Variants in MYH6 observed in about 807,000 individuals in gnomAD.
The protein encoded by MYH6 is myosin-6.
Under a neutral mutation model 223.2 loss-of-function variants are expected in MYH6, and 126 were observed. The observed-to-expected ratio is 0.56, with a 90% CI of 0.49 to 0.65. The LOEUF (loss-of-function observed/expected upper bound fraction) is 0.65. Among genes scored for constraint, MYH6 ranks in the 30% least tolerant of loss-of-function variants. The probability of loss-of-function intolerance (pLI) is 0.00; values close to 1 mark genes in which losing one functional copy is unlikely to be tolerated. For missense variants in MYH6, 2,040 were observed against 2,536.4 expected (o/e 0.80, Z 4.20); for synonymous variants, 978 against 1,010.2 (o/e 0.97, Z 0.61).
intron 19 of MYH6, 118 bp downstream of exon 19, chr14:23,396,576 C>G: frequency 6.3e-7 from 1 of 1,593,014 alleles, no homozygotes; most frequent in Non-Finnish European, 8.6e-7. Context: ...GCCTGGGTTT[C>G]AGCCCTTGAT....
Position 23,400,986 on chromosome 14 carries a change from G to C in MYH6, c.1142-9C>G, listed in dbSNP as rs1445764736. 3 of 1,613,876 alleles carry C rather than the reference G, an allele frequency of 1.9e-6. No homozygotes were observed. Among genetic ancestry groups the C allele is most frequent in the African/African-American group, 2.7e-5 (2 of 74,850 alleles). On this transcript the variant is annotated splice_polypyrimidine_tract_variant and intron_variant, in intron 12 of 38. Coordinates refer to ENST00000405093, the MANE Select transcript of MYH6 (RefSeq NM_002471.4). ...GGCCGACTTGTCAGCATCTGGTTGA[G>C]AGGGAAAGGATAAGTGAGCACTTCC...
At chr14:23,403,251 G>A (rs767540079) in intron 10 of MYH6, 97 bp downstream of exon 10, 1 of 1,019,514 alleles carries the variant, frequency 9.8e-7, no homozygotes, top group Non-Finnish European at 1.6e-6. Context: ...AGCAAGGTGG[G>A]GCACAGTGGG....
In MYH6 at chr14:23,403,458, G is replaced by A. The variant is rs1320562782; in HGVS notation, c.800-12C>T. ...CTTCTCCAGCAGGTCTGAGGTGGGT[G>A]GAGGGGAGGAAGGCAGGTGAGGAAG... On this transcript the variant is annotated splice_polypyrimidine_tract_variant and intron_variant, in intron 9 of 38. Transcript: ENST00000405093. 1.2e-5 allele frequency: 19 copies of A among 1,607,884 alleles called. No homozygotes were observed. The highest frequency in any genetic ancestry group is 3.3e-4 in the Middle Eastern group (2 of 6,076).
intron 32 of MYH6, 27 bp from the exon 33 acceptor site, chr14:23,386,650 C>G (rs753931673): frequency 6.3e-7 from 1 of 1,593,984 alleles, no homozygotes; most frequent in Non-Finnish European, 8.6e-7. Flanking sequence ...CGAGGGCGGG[C>G]AGACAGGGCA....
Position 23,400,940 on chromosome 14 carries a change from T to C in MYH6, c.1179A>G (p.Ser393=). Residue 393 remains serine (S), a synonymous_variant, in exon 13 of 39, where the codon TCA becomes TCG. Transcript: ENST00000405093. ...GGCACAGCCCCTTGAGCAGGTCAGCTGAGTTCAGCCCCATGAGGTAGGCCG... is the reference window on the plus strand; with the variant it reads ...GGCACAGCCCCTTGAGCAGGTCAGCCGAGTTCAGCCCCATGAGGTAGGCCG... ...DKSAYLMGLN[S]ADLLKGLCHP... is the part of the protein sequence containing the mutation. 6.2e-7 allele frequency: 1 copy of C among 1,614,124 alleles called. No individual in the cohort carries two copies. The highest frequency in any genetic ancestry group is 8.5e-7 in the Non-Finnish European group (1 of 1,180,024).
chr14:23,407,571 C>G lies in MYH6; in HGVS notation c.-14+5G>C, dbSNP rs1891828901. On this transcript the variant is annotated splice_donor_5th_base_variant and intron_variant, in intron 2 of 38. Coordinates refer to ENST00000405093, the MANE Select transcript of MYH6 (RefSeq NM_002471.4). The surrounding 1 kb of genome is among the most constrained non-coding windows in gnomAD (Gnocchi z 5.6). ...CTCTGCAGAGAAAATGGGGGCAGTT[C>G]TCACCTGGTTATCCCTTCACGGAGA... 1.6e-6 allele frequency: 2 copies of G among 1,219,858 alleles called. No individual in the cohort carries two copies. Among genetic ancestry groups the G allele is most frequent in the Non-Finnish European group, 2.1e-6 (2 of 965,692 alleles). The allele number at this position is 1,219,858 out of a possible 1,614,324, so 75.6% of individuals were successfully genotyped here. A position where few individuals can be genotyped will look rare whatever the true frequency, so the allele number is the denominator to read the frequency against.
rs377327277 is a variant in MYH6, at chr14:23,402,456, C to G, written c.1141+8G>C. 1.2e-6 allele frequency: 2 copies of G among 1,612,616 alleles called. No individual in the cohort carries two copies. The highest frequency in any genetic ancestry group is 1.7e-6 in the Non-Finnish European group (2 of 1,179,960). On this transcript the variant is annotated splice_region_variant and intron_variant, in intron 12 of 38. Coordinates refer to ENST00000405093, the MANE Select transcript of MYH6 (RefSeq NM_002471.4). Reference sequence around the variant, plus strand: ...GCCTTCCCAGGGCTGCCTGCCTGCCCCTCCCACCTTCGGTGCCGTCTGGCT... The same window carrying G: ...GCCTTCCCAGGGCTGCCTGCCTGCCGCTCCCACCTTCGGTGCCGTCTGGCT...
At chr14:23,399,983 G>C in intron 14 of MYH6, 1 of 513,396 alleles carries the variant, frequency 1.9e-6, no homozygotes. Flanking sequence ...TCTCATGGGC[G>C]GTCAGAGGGG....
chr14:23,397,328 C>T, intron 16 of MYH6, 71 bp from the exon 17 acceptor site: 2 of 1,446,072 alleles, frequency 1.4e-6, no homozygotes, highest in Non-Finnish European at 1.9e-6. Flanking sequence ...CCCTGGTCCC[C>T]AGACACTCTC....
chr14:23,395,262 T>G (rs1891358601), intron 20 of MYH6, among the ~76,000 whole-genome samples: 1 of 152,244 alleles, frequency 6.6e-6, no homozygotes, highest in South Asian at 2.1e-4. Flanking sequence ...AAGATTTGCC[T>G]TTGTTTACTA....
Position 23,382,027 on chromosome 14 carries a change from T to G in MYH6, c.*13A>C, listed in dbSNP as rs1384710590. The G allele has an allele frequency of 6.2e-7, 1 of 1,614,174 alleles. No homozygotes were observed. The highest frequency in any genetic ancestry group is 8.5e-7 in the Non-Finnish European group (1 of 1,180,028). On this transcript the variant is annotated 3_prime_UTR_variant, in exon 39 of 39. Coordinates refer to ENST00000405093, the MANE Select transcript of MYH6 (RefSeq NM_002471.4). Reference sequence around the variant, plus strand: ...TATTACAGGTTGGCAAGAGTGAGGTTCCCGAGGCAGTGTCACTCCTCATCG... The same window carrying G: ...TATTACAGGTTGGCAAGAGTGAGGTGCCCGAGGCAGTGTCACTCCTCATCG...
intron 15 of MYH6, among the ~76,000 whole-genome samples, chr14:23,397,849 A>T (rs550877311): frequency 4.1e-4 from 63 of 152,220 alleles, no homozygotes; most frequent in African/African-American, 1.5e-3. Context: ...ACTGACATAC[A>T]TCAGTGCCCT....
chr14:23,402,947 G>C (rs1285187211), intron 10 of MYH6, 147 bp from the exon 11 acceptor site: 2 of 702,530 alleles, frequency 2.8e-6, no homozygotes, highest in Non-Finnish European at 5.0e-6. Context: ...AGGGAGAGAA[G>C]AGAAGTCAGC....
intron 24 of MYH6, 32 bp downstream of exon 24, chr14:23,392,880 A>G (rs1396311258): frequency 1.9e-6 from 3 of 1,611,702 alleles, no homozygotes; most frequent in African/African-American, 2.7e-5. Context: ...AGACACCTCC[A>G]TTAGCCCCTC....
At chr14:23,404,167 T>G in intron 8 of MYH6, 129 bp downstream of exon 8, 2 of 1,171,470 alleles carry the variant, frequency 1.7e-6, no homozygotes, top group East Asian at 4.7e-5. Context: ...TATGCTCTCT[T>G]CCCACCAACG....
Position 23,386,491 on chromosome 14 carries a change from C to T in MYH6, c.4783G>A (p.Val1595Met). 6.2e-7 allele frequency: 1 copy of T among 1,614,210 alleles called. No homozygotes were observed. Among genetic ancestry groups the T allele is most frequent in the Non-Finnish European group, 8.5e-7 (1 of 1,180,038 alleles). Reference protein sequence around the residue: ...MEQAKRNHQRVVDSLQTSLDA... With the variant: ...MEQAKRNHQRMVDSLQTSLDA... ...AGGGAGGTCTGCAGCGAGTCCACCA[C>T]CCGCTGGTGGTTGCGCTTGGCCTGT... Residue 1595 changes from valine to methionine, a missense_variant, in exon 33 of 39, where the codon GTG (valine) becomes ATG (methionine). By Grantham distance (21) the Val-to-Met change is conservative (BLOSUM62 1). This residue lies in a region of MYH6 where 1,203 missense variants were observed against 1,400.2 expected (regional missense o/e 0.86). Transcript: ENST00000405093.
intron 15 of MYH6, among the ~76,000 whole-genome samples, chr14:23,397,929 CTCCTCTTCTTCT>C (rs1458946074): frequency 2.0e-4 from 25 of 123,080 alleles, no homozygotes; most frequent in African/African-American, 6.4e-4. Flanking sequence ...CCTCCTCCTC[CTCCTCTTCTTCT>C]TCTTCTTCTT....
chr14:23,396,958 C>T lies in MYH6; in HGVS notation c.2168+5G>A, dbSNP rs796483910. The stretch of plus-strand genomic sequence containing the variant: ...CTATGAGCTCTGGGGCACCCTCATA[C>T]CCACCTCTGCCGGAAGTCCCCGTAG... On this transcript the variant is annotated splice_donor_5th_base_variant and intron_variant, in intron 18 of 38. Coordinates refer to ENST00000405093, the MANE Select transcript of MYH6 (RefSeq NM_002471.4). The T allele has an allele frequency of 1.2e-6, 2 of 1,612,538 alleles. No homozygotes were observed. The highest frequency in any genetic ancestry group is 1.1e-5 in the South Asian group (1 of 91,012).
chr14:23,393,234 A>T, intron 23 of MYH6, 108 bp downstream of exon 23: 1 of 1,519,108 alleles, frequency 6.6e-7, no homozygotes. Flanking sequence ...AGAGCAAAAA[A>T]GCTTCAGGGG....
Sources: gnomAD v4.1 joint callset for allele counts (sites outside exome capture counted in the v4.1 genomes callset) on GRCh38, gnomAD v4.1.1 for gene constraint, gnomAD v4.1.1 regional missense constraint, Gnocchi (gnomAD v3.1) non-coding constraint, MANE v1.5 for transcripts, NCBI Gene and HGNC (gene_info 2026-07-23, HGNC 2026-07-21) for gene names.